Variants in MGAT4C observed in about 807,000 individuals in gnomAD.
The protein encoded by MGAT4C is alpha-1,3-mannosyl-glycoprotein 4-beta-N-acetylglucosaminyltransferase C.
In MGAT4C, 19 loss-of-function variants were observed where a neutral mutation model predicts 40.1. That is an observed-to-expected ratio of 0.47 (90% CI 0.33 to 0.70). The LOEUF (loss-of-function observed/expected upper bound fraction) is 0.70. MGAT4C is among the 30% of genes least tolerant of loss of function. The pLI is 0.02. For synonymous variants in MGAT4C, 181 were observed against 187.1 expected, an observed-to-expected ratio of 0.97 and a Z score of 0.27; for missense variants, 491 against 563.2, an observed-to-expected ratio of 0.87 and a Z score of 1.30.
intron 1 of MGAT4C, among the ~76,000 whole-genome samples, chr12:86,155,000 A>C (rs560569176): frequency 2.0e-5 from 3 of 152,184 alleles, no homozygotes; most frequent in Non-Finnish European, 2.9e-5. Flanking sequence ...CATGATAGAG[A>C]GTAATGAGAG....
chr12:86,246,697 A>G (rs2136062303), intron 1 of MGAT4C, among the ~76,000 whole-genome samples: 1 of 152,280 alleles, frequency 6.6e-6, no homozygotes, highest in East Asian at 1.9e-4. Context: ...TGCCCACCAA[A>G]TCAACTTTTT....
chr12:86,075,736 G>A (rs947380384), intron 1 of MGAT4C, among the ~76,000 whole-genome samples: 6 of 152,200 alleles, frequency 3.9e-5, no homozygotes, highest in Admixed American at 6.5e-5. Context: ...AGCACCACGT[G>A]CAGGCTTGGG....
intron 1 of MGAT4C, among the ~76,000 whole-genome samples, chr12:86,088,530 G>T (rs1481859929): frequency 6.6e-6 from 1 of 151,922 alleles, no homozygotes; most frequent in Non-Finnish European, 1.5e-5. Context: ...AAATTTAAAA[G>T]CAGAAAACAA....
chr12:86,197,380 AAC>A (rs959503117), intron 1 of MGAT4C, among the ~76,000 whole-genome samples: 3 of 152,170 alleles, frequency 2.0e-5, no homozygotes, highest in Non-Finnish European at 2.9e-5. Context: ...TATACACATA[AAC>A]ACACACAAAA....
At chr12:86,293,868 C>T (rs1953590889) in intron 4 of MGAT4C, among the ~76,000 whole-genome samples, 1 of 152,150 alleles carries the variant, frequency 6.6e-6, no homozygotes, top group Admixed American at 6.6e-5. Context: ...TTGTCCTTTG[C>T]CTCCTGCCAT....
chr12:86,212,870 C>A (rs1215120034), intron 1 of MGAT4C, among the ~76,000 whole-genome samples: 3 of 47,156 alleles, frequency 6.4e-5, no homozygotes, highest in Non-Finnish European at 1.2e-4. Context: ...CCAGCCTGGG[C>A]GACAGAGCGA....
rs552661215 is a variant in MGAT4C at position 86,705,677 on chromosome 12, G to T, written c.-229+21532C>A. On this transcript the variant is annotated intron_variant, in intron 2 of 7. Transcript: ENST00000548651. ...AAATGAAATATAAACAAATTTGGGA[G>T]ACTCTAGGAAAGAAAATTTAGCATT... 1.2e-4 allele frequency among the ~76,000 whole-genome samples: 18 copies of T among 152,204 alleles called. No individual in the cohort carries two copies. The South Asian group carries it at 3.7e-3, about 32-fold the overall frequency.
rs1883509262 is a variant in MGAT4C at position 85,969,369 on chromosome 12, A to G, written c.*9920T>C. ...TAATCACACAAAAAATGTTGCATACATACTGTCTAACTACCAGTTTGGTAT... is the reference window on the plus strand; with the variant it reads ...TAATCACACAAAAAATGTTGCATACGTACTGTCTAACTACCAGTTTGGTAT... On this transcript the variant is annotated 3_prime_UTR_variant, in exon 5 of 5. Coordinates refer to ENST00000611864, the MANE Select transcript of MGAT4C (RefSeq NM_001351288.2). 1 of 151,684 alleles carries G rather than the reference A, an allele frequency of 6.6e-6. No individual in the cohort carries two copies. Among genetic ancestry groups the G allele is most frequent in the Admixed American group, 6.6e-5 (1 of 15,184 alleles). The allele number at this position is 151,684 out of a possible 1,614,324, so 9.4% of individuals were successfully genotyped here.
chr12:86,120,406 C>T (rs931775160), intron 1 of MGAT4C, among the ~76,000 whole-genome samples: 9 of 152,002 alleles, frequency 5.9e-5, no homozygotes, highest in African/African-American at 2.2e-4. Flanking sequence ...TCTCCCAGCA[C>T]GCAGCTTGAG....
chr12:86,605,997 T>C (rs963705898), intron 2 of MGAT4C, among the ~76,000 whole-genome samples: 4 of 152,118 alleles, frequency 2.6e-5, no homozygotes, highest in Non-Finnish European at 5.9e-5. Flanking sequence ...CTTACCATTA[T>C]GTCAGAAGGC....
intron 3 of MGAT4C, among the ~76,000 whole-genome samples, chr12:86,334,941 T>G (rs943925934): frequency 6.6e-6 from 1 of 152,114 alleles, no homozygotes; most frequent in African/African-American, 2.4e-5. Flanking sequence ...ATTTTATTTT[T>G]TATGAGTTAG....
At chr12:86,480,345 C>A (rs1957911312) in intron 2 of MGAT4C, among the ~76,000 whole-genome samples, 1 of 151,522 alleles carries the variant, frequency 6.6e-6, no homozygotes, top group Non-Finnish European at 1.5e-5. Flanking sequence ...AGCCTGACAA[C>A]TCAAAGGGTA....
intron 2 of MGAT4C, among the ~76,000 whole-genome samples, chr12:86,539,171 C>T (rs1006069839): frequency 6.7e-6 from 1 of 149,912 alleles, no homozygotes; most frequent in Non-Finnish European, 1.5e-5. Flanking sequence ...CTATCCCTTC[C>T]CCCTCCCCCG....
chr12:86,393,652 A>T (rs529568770), intron 3 of MGAT4C, among the ~76,000 whole-genome samples: 2 of 152,208 alleles, frequency 1.3e-5, no homozygotes, highest in Non-Finnish European at 2.9e-5. Flanking sequence ...CCTGATAAGT[A>T]AAAATTGAAT....
chr12:86,361,284 C>T (rs10776964), intron 3 of MGAT4C, among the ~76,000 whole-genome samples: 111,605 of 152,064 alleles, frequency 0.73, 41,156 homozygotes, highest in East Asian at 0.9. Flanking sequence ...GCTAGCCATA[C>T]GTAGAAAGCT....
At chr12:86,564,895 C>T (rs912878137) in intron 2 of MGAT4C, among the ~76,000 whole-genome samples, 21 of 152,158 alleles carry the variant, frequency 1.4e-4, no homozygotes, top group African/African-American at 9.6e-5. Flanking sequence ...GGCCATATGA[C>T]TCAGCAGATC....
At chr12:86,225,026 G>A (rs1279922436) in intron 1 of MGAT4C, among the ~76,000 whole-genome samples, 5 of 151,736 alleles carry the variant, frequency 3.3e-5, no homozygotes, top group African/African-American at 1.2e-4. Context: ...AGATAAAATT[G>A]ATAAATTACT....
At chr12:86,109,443 G>A (rs1394904751) in intron 1 of MGAT4C, among the ~76,000 whole-genome samples, 2 of 152,022 alleles carry the variant, frequency 1.3e-5, no homozygotes, top group East Asian at 1.9e-4. Flanking sequence ...AAATCTACAT[G>A]AAGATATTCT....
intron 4 of MGAT4C, among the ~76,000 whole-genome samples, chr12:86,268,664 C>CATAT (rs35503864): frequency 0.018 from 2,655 of 143,704 alleles, 53 homozygotes; most frequent in African/African-American, 0.032. Flanking sequence ...ATATTAACTA[C>CATAT]ATATATATAT....
Sources: allele counts gnomAD v4.1 joint callset (sites outside exome capture counted in the v4.1 genomes callset), GRCh38; gene constraint gnomAD v4.1.1; transcripts MANE v1.5; gene names NCBI Gene and HGNC (gene_info 2026-07-23, HGNC 2026-07-21).